The following POU6F2 variants were observed in gnomAD, a reference collection of about 807,000 sequenced individuals.
POU6F2 encodes the protein POU class 6 homeobox 2, also known as POU domain, class 6, transcription factor 2.
Under a neutral mutation model 71.3 loss-of-function variants are expected in POU6F2, and 31 were observed. The observed-to-expected ratio is 0.43, with a 90% CI of 0.33 to 0.59. The LOEUF (loss-of-function observed/expected upper bound fraction) is 0.59, where lower values mean the gene tolerates loss of function less well. POU6F2 is among the 20% of genes least tolerant of loss of function. POU6F2 has a pLI of 0.04. For missense variants in POU6F2, 783 were observed against 856.8 expected (o/e 0.91, Z 1.07); for synonymous variants, 347 against 355.7 (o/e 0.98, Z 0.27).
chr7:39,388,848 C>T (rs1035810422), intron 5 of POU6F2, among the ~76,000 whole-genome samples: 6 of 152,052 alleles, frequency 3.9e-5, no homozygotes, highest in African/African-American at 1.4e-4. Context: ...TAATGTATTG[C>T]ATGATTACTA....
At chr7:39,212,385 TG>T (rs1794158205) in intron 4 of POU6F2, among the ~76,000 whole-genome samples, 1 of 152,144 alleles carries the variant, frequency 6.6e-6, no homozygotes, top group Non-Finnish European at 1.5e-5. Flanking sequence ...AGGTTCTGAG[TG>T]TTTTGAACGA....
At chr7:39,070,586 A>G (rs1285391315) in intron 1 of POU6F2, among the ~76,000 whole-genome samples, 1 of 148,182 alleles carries the variant, frequency 6.7e-6, no homozygotes, top group Non-Finnish European at 1.5e-5. Context: ...ATGCCCACCC[A>G]CTTCTCAGCC....
Position 39,451,584 on chromosome 7 carries a change from C to G in POU6F2, c.1372C>G (p.Leu458Val). 1.2e-6 allele frequency: 2 copies of G among 1,613,834 alleles called. No homozygotes were observed. Among genetic ancestry groups the G allele is most frequent in the Non-Finnish European group, 1.7e-6 (2 of 1,179,842 alleles). ...GGGTCAAGCAGCCTCCCAAGGCAACCTTCTGCACCTGGCTCACAGCCAAGC... is the reference window on the plus strand; with the variant it reads ...GGGTCAAGCAGCCTCCCAAGGCAACGTTCTGCACCTGGCTCACAGCCAAGC... ...SVGQAASQGN[L>V]LHLAHSQASM... The change falls in exon 8 of 10, where the codon CTT (leucine) becomes GTT (valine). Residue 458 changes from leucine to valine, a missense_variant. By Grantham distance (32) the Leu-to-Val change is conservative. This residue lies in a region of POU6F2 where 572 missense variants were observed against 572.9 expected (regional missense o/e 1.00). Transcript: ENST00000518318.
chr7:39,130,066 CAAAAAAAA>C (rs572365688), intron 2 of POU6F2, among the ~76,000 whole-genome samples: 82 of 44,574 alleles, frequency 1.8e-3, no homozygotes, highest in African/African-American at 4.8e-3. Context: ...GACTCCATCT[CAAAAAAAA>C]AAAAAAAAAA....
intron 5 of POU6F2, among the ~76,000 whole-genome samples, chr7:39,376,259 A>G (rs1325344791): frequency 1.3e-5 from 2 of 152,238 alleles, no homozygotes; most frequent in Admixed American, 1.3e-4. Context: ...TCTATACTAT[A>G]GAATAGCGCT....
At chr7:39,223,256 G>A (rs1015830827) in intron 4 of POU6F2, among the ~76,000 whole-genome samples, 2 of 152,136 alleles carry the variant, frequency 1.3e-5, no homozygotes, top group African/African-American at 4.8e-5. Context: ...TGAGGAGAAG[G>A]CACGCTTCAG....
chr7:39,200,066 A>C (rs959628375), intron 2 of POU6F2, among the ~76,000 whole-genome samples: 1 of 152,218 alleles, frequency 6.6e-6, no homozygotes, highest in African/African-American at 2.4e-5. Context: ...GCTAAGCTAG[A>C]AGTCAGTCAG....
intron 5 of POU6F2, among the ~76,000 whole-genome samples, chr7:39,341,795 A>C (rs1018521154): frequency 6.6e-6 from 1 of 152,140 alleles, no homozygotes; most frequent in African/African-American, 2.4e-5. Context: ...AGTGTTTTAT[A>C]AATTTCTGTT....
intron 5 of POU6F2, among the ~76,000 whole-genome samples, chr7:39,368,930 G>C (rs575266009): frequency 6.6e-6 from 1 of 152,288 alleles, no homozygotes; most frequent in East Asian, 1.9e-4. Flanking sequence ...CTTCAGTGAA[G>C]GAAGGAACTG....
intron 1 of POU6F2, among the ~76,000 whole-genome samples, chr7:39,083,357 C>A (rs1287754911): frequency 6.6e-6 from 1 of 152,174 alleles, no homozygotes; most frequent in Non-Finnish European, 1.5e-5. Flanking sequence ...ACACCCCTTC[C>A]TCTAGATTAG....
intron 4 of POU6F2, among the ~76,000 whole-genome samples, chr7:39,302,291 A>G (rs1784962044): frequency 6.6e-6 from 1 of 152,218 alleles, no homozygotes; most frequent in Non-Finnish European, 1.5e-5. Flanking sequence ...CCACAGGAAT[A>G]AAGATCATAA....
intron 2 of POU6F2, among the ~76,000 whole-genome samples, chr7:39,135,553 C>G (rs569075844): frequency 1.3e-5 from 2 of 151,420 alleles, no homozygotes; most frequent in East Asian, 3.9e-4. Flanking sequence ...AATAAGCCTA[C>G]TAATTTAAAA....
Position 39,339,687 on chromosome 7 carries a change from T to A in POU6F2, c.644T>A (p.Leu215His), listed in dbSNP as rs558679060. The A allele has an allele frequency of 1.2e-3, 1,898 of 1,600,800 alleles. 10 individuals are homozygous for A. Among genetic ancestry groups the A allele is most frequent in the South Asian group, 7.3e-3 (654 of 89,994 alleles). ...CAGCTCCAGCAGCTCCAGCTCCAGC[T>A]CCAGCAGCAGCAGCAGCAGCAGCAG... Reference protein sequence around the residue: ...NSQLQQLQLQLQQQQQQQQQQ... With the variant: ...NSQLQQLQLQHQQQQQQQQQQ... Residue 215 changes from leucine (L) to histidine (H), a missense_variant, in exon 5 of 10, where the codon CTC becomes CAC. Coordinates refer to ENST00000518318, the MANE Select transcript of POU6F2 (RefSeq NM_001370959.1).
intron 1 of POU6F2, among the ~76,000 whole-genome samples, chr7:39,020,350 G>A (rs546765241): frequency 2.0e-5 from 3 of 152,208 alleles, no homozygotes; most frequent in African/African-American, 7.2e-5. Context: ...TACAATAATT[G>A]TATCATTCAT....
chr7:39,273,334 T>A (rs983800567), intron 4 of POU6F2, among the ~76,000 whole-genome samples: 1 of 152,200 alleles, frequency 6.6e-6, no homozygotes, highest in South Asian at 2.1e-4. Context: ...AGGTTAACAT[T>A]ATCAGCGATG....
At chr7:39,344,586 A>C (rs544975065) in intron 5 of POU6F2, among the ~76,000 whole-genome samples, 2 of 152,302 alleles carry the variant, frequency 1.3e-5, no homozygotes, top group African/African-American at 4.8e-5. Flanking sequence ...AGTTCTCTAA[A>C]GCAAATGGTC....
At chr7:39,018,073 C>T (rs1320481536) in intron 1 of POU6F2, among the ~76,000 whole-genome samples, 1 of 151,972 alleles carries the variant, frequency 6.6e-6, no homozygotes, top group Non-Finnish European at 1.5e-5. Flanking sequence ...TTGAAAAGTC[C>T]TTGGGATTTG....
chr7:39,212,701 G>A (rs929032243), intron 4 of POU6F2, among the ~76,000 whole-genome samples: 2 of 152,194 alleles, frequency 1.3e-5, no homozygotes, highest in African/African-American at 4.8e-5. Flanking sequence ...AAAGAAAGAA[G>A]ATAATTAAGC....
At position 39,379,722 on chromosome 7, in the gene POU6F2, GT is replaced by G. The variant is rs142706256; in HGVS notation, c.973-26875del. On this transcript the variant is annotated intron_variant, in intron 5 of 9. Transcript: ENST00000518318. ...AATTTTAAACACAAATCCAGGGCTG[GT>G]TTCTCCTCATCGTTTTCCCATCCTG... 8.2e-3 allele frequency among the ~76,000 whole-genome samples: 1,244 copies of G among 152,150 alleles called. 22 individuals are homozygous for G. Among genetic ancestry groups the G allele is most frequent in the African/African-American group, 0.029 (1,190 of 41,526 alleles).
Sources: gnomAD v4.1 joint callset for allele counts (sites outside exome capture counted in the v4.1 genomes callset) on GRCh38, gnomAD v4.1.1 for gene constraint, gnomAD v4.1.1 regional missense constraint, MANE v1.5 for transcripts, NCBI Gene and HGNC (gene_info 2026-07-23, HGNC 2026-07-21) for gene names.